The following GALNT13 variants were observed in gnomAD, a reference collection of about 807,000 sequenced individuals.
GALNT13 encodes polypeptide N-acetylgalactosaminyltransferase 13.
In GALNT13, 28 loss-of-function variants were observed where a neutral mutation model predicts 64.2. That is an observed-to-expected ratio of 0.44 (90% CI 0.32 to 0.60). The LOEUF is 0.60. Among genes scored for constraint, GALNT13 ranks in the 20% least tolerant of loss-of-function variants. The probability of loss-of-function intolerance (pLI) is 0.05; values close to 1 mark genes in which losing one functional copy is unlikely to be tolerated. For missense variants in GALNT13, 577 were observed against 669.8 expected, an observed-to-expected ratio of 0.86 and a Z score of 1.53; for synonymous variants, 214 against 224.6, an observed-to-expected ratio of 0.95 and a Z score of 0.42.
At chr2:153,530,004 A>G in the GALNT13 span, among the ~76,000 whole-genome samples, 1 of 152,118 alleles carries the variant, frequency 6.6e-6, no homozygotes. Flanking sequence ...AACATGAAAT[A>G]ACACTTTCAC....
At chr2:154,125,468 T>C (rs1327095508) in intron 3 of GALNT13, among the ~76,000 whole-genome samples, 2 of 152,176 alleles carry the variant, frequency 1.3e-5, no homozygotes, top group African/African-American at 2.4e-5. Flanking sequence ...TGTTCAGTTA[T>C]ATCTGAATAG....
At chr2:153,467,922 A>C in the GALNT13 span, among the ~76,000 whole-genome samples, 1 of 152,082 alleles carries the variant, frequency 6.6e-6, no homozygotes, top group African/African-American at 2.4e-5. Context: ...CTTAACATAC[A>C]AACTTTTCAT....
At chr2:153,410,539 G>C in the GALNT13 span, among the ~76,000 whole-genome samples, 1 of 152,144 alleles carries the variant, frequency 6.6e-6, no homozygotes, top group African/African-American at 2.4e-5. Flanking sequence ...ACAATCAACA[G>C]ACAATCATCA....
chr2:154,192,406 C>A (rs931565519), intron 4 of GALNT13, among the ~76,000 whole-genome samples: 37 of 152,244 alleles, frequency 2.4e-4, no homozygotes, highest in African/African-American at 7.7e-4. Context: ...CCCAGGGACC[C>A]GCCCTTCTCC....
chr2:153,170,545 A>C, the GALNT13 span, among the ~76,000 whole-genome samples: 1,048 of 152,310 alleles, frequency 6.9e-3, 10 homozygotes, highest in African/African-American at 0.023. Flanking sequence ...TAATTAACTT[A>C]AGCAGCTGGC....
At chr2:153,725,721 C>T in the GALNT13 span, among the ~76,000 whole-genome samples, 1 of 151,026 alleles carries the variant, frequency 6.6e-6, no homozygotes, top group Non-Finnish European at 1.5e-5. Flanking sequence ...ATGGATGCTA[C>T]TGGCAGCTGG....
chr2:153,695,225 A>G, the GALNT13 span, among the ~76,000 whole-genome samples: 1 of 152,210 alleles, frequency 6.6e-6, no homozygotes, highest in Admixed American at 6.5e-5. Context: ...ATGTGTCAAA[A>G]TTCTAGACTC....
the GALNT13 span, among the ~76,000 whole-genome samples, chr2:153,737,465 A>G: frequency 4.6e-5 from 7 of 152,104 alleles, no homozygotes; most frequent in African/African-American, 1.4e-4. Flanking sequence ...TTTAAAATAA[A>G]GCACATTTTT....
chr2:153,242,360 C>T, the GALNT13 span, among the ~76,000 whole-genome samples: 1 of 151,740 alleles, frequency 6.6e-6, no homozygotes, highest in African/African-American at 2.4e-5. Flanking sequence ...TGAGGAGATT[C>T]CAAATCTAGA....
chr2:153,491,958 G>C, the GALNT13 span, among the ~76,000 whole-genome samples: 1 of 152,004 alleles, frequency 6.6e-6, no homozygotes, highest in Non-Finnish European at 1.5e-5. Flanking sequence ...TAAATCAAAG[G>C]AAGCATTTTG....
intron 4 of GALNT13, among the ~76,000 whole-genome samples, chr2:154,151,459 A>G (rs1255037880): frequency 6.6e-6 from 1 of 152,124 alleles, no homozygotes; most frequent in Non-Finnish European, 1.5e-5. Context: ...CTTGGTGCAG[A>G]GCTGAGTTCA....
the GALNT13 span, among the ~76,000 whole-genome samples, chr2:153,423,150 C>G: frequency 1.3e-5 from 2 of 151,664 alleles, no homozygotes; most frequent in East Asian, 3.9e-4. Context: ...AAAACATGCA[C>G]ATTTAAATCA....
the GALNT13 span, among the ~76,000 whole-genome samples, chr2:153,755,971 G>T: frequency 1.3e-5 from 2 of 151,946 alleles, no homozygotes; most frequent in Non-Finnish European, 2.9e-5. Context: ...GTCATTCTCC[G>T]CAACATTTTC....
chr2:153,610,862 C>A, the GALNT13 span, among the ~76,000 whole-genome samples: 5 of 151,738 alleles, frequency 3.3e-5, no homozygotes, highest in Non-Finnish European at 7.4e-5. Context: ...ATTGCCAAGG[C>A]AAATTGTTTC....
At chr2:153,826,947 G>A in the GALNT13 span, among the ~76,000 whole-genome samples, 5 of 151,934 alleles carry the variant, frequency 3.3e-5, no homozygotes, top group Non-Finnish European at 1.5e-5. Flanking sequence ...ACAGAAGGAA[G>A]ACAAAATTGT....
At chr2:153,726,103 A>G in the GALNT13 span, among the ~76,000 whole-genome samples, 6 of 152,182 alleles carry the variant, frequency 3.9e-5, no homozygotes, top group African/African-American at 7.2e-5. Context: ...ATTTTAATGT[A>G]TATTTGGAAT....
intron 3 of GALNT13, among the ~76,000 whole-genome samples, chr2:154,033,433 T>C (rs551993580): frequency 2.7e-4 from 41 of 152,142 alleles, no homozygotes; most frequent in African/African-American, 8.7e-4. Context: ...AGGATTTATA[T>C]TCAGAATATA....
chr2:154,241,943 A>G (rs532295278), intron 4 of GALNT13, 87 bp from the exon 5 acceptor site: 2 of 732,384 alleles, frequency 2.7e-6, no homozygotes, highest in African/African-American at 1.8e-5. Context: ...TTCAAGTCTG[A>G]AGTTGTGTTA....
chr2:153,266,483 C>T, the GALNT13 span, among the ~76,000 whole-genome samples: 2 of 152,130 alleles, frequency 1.3e-5, no homozygotes, highest in Admixed American at 6.6e-5. Context: ...TTAATTGACT[C>T]ACAGTTTTAC....
Sources: gnomAD v4.1 joint callset for allele counts (sites outside exome capture counted in the v4.1 genomes callset) on GRCh38, gnomAD v4.1.1 for gene constraint, MANE v1.5 for transcripts, NCBI Gene and HGNC (gene_info 2026-07-23, HGNC 2026-07-21) for gene names.